PPARGC1A: variants seen among roughly 807,000 people sequenced by gnomAD.
PPARGC1A encodes PPARG coactivator 1 alpha, also known as peroxisome proliferator-activated receptor gamma coactivator 1-alpha.
Under a neutral mutation model 88.7 loss-of-function variants are expected in PPARGC1A, and 25 were observed. The ratio of observed to expected loss-of-function variants is 0.28; its 90% CI spans 0.21 to 0.39. The LOEUF (loss-of-function observed/expected upper bound fraction) is 0.39, where lower values mean the gene tolerates loss of function less well. Among genes scored for constraint, PPARGC1A ranks in the 10% least tolerant of loss-of-function variants. The probability of loss-of-function intolerance (pLI) is 1.00; values close to 1 mark genes in which losing one functional copy is unlikely to be tolerated. For synonymous variants in PPARGC1A, 363 were observed against 355.6 expected (o/e 1.02, Z -0.24); for missense variants, 880 against 968.7 (o/e 0.91, Z 1.22).
chr4:23,926,764 A>G, the PPARGC1A span, among the ~76,000 whole-genome samples: 1 of 152,202 alleles, frequency 6.6e-6, no homozygotes, highest in East Asian at 1.9e-4. Flanking sequence ...TGCCTGCTTG[A>G]GGCCATGTTA....
At chr4:24,364,854 A>G in the PPARGC1A span, among the ~76,000 whole-genome samples, 1 of 152,180 alleles carries the variant, frequency 6.6e-6, no homozygotes, top group African/African-American at 2.4e-5. Flanking sequence ...GCTCTCAATA[A>G]ATGATAGCTA....
At chr4:23,898,757 A>G (rs538679975) in intron 1 of PPARGC1A, among the ~76,000 whole-genome samples, 1 of 152,174 alleles carries the variant, frequency 6.6e-6, no homozygotes, top group Non-Finnish European at 1.5e-5. Flanking sequence ...CTTTGCACCA[A>G]GCAGGTGATC....
the PPARGC1A span, among the ~76,000 whole-genome samples, chr4:24,010,977 T>C: frequency 6.6e-6 from 1 of 152,110 alleles, no homozygotes; most frequent in South Asian, 2.1e-4. Context: ...TGGGACCATC[T>C]GTTCAACTAC....
chr4:24,245,938 C>T, the PPARGC1A span, among the ~76,000 whole-genome samples: 3,985 of 151,202 alleles, frequency 0.026, 140 homozygotes, highest in African/African-American at 0.083. Flanking sequence ...CACACACACA[C>T]ACACACACAC....
chr4:24,253,091 C>G, the PPARGC1A span, among the ~76,000 whole-genome samples: 1 of 152,008 alleles, frequency 6.6e-6, no homozygotes, highest in African/African-American at 2.4e-5. Context: ...AAAAGTCTCT[C>G]CTCTGCAAAA....
At chr4:23,930,044 G>A in the PPARGC1A span, among the ~76,000 whole-genome samples, 1 of 151,906 alleles carries the variant, frequency 6.6e-6, no homozygotes, top group African/African-American at 2.4e-5. Flanking sequence ...CCCACTCCAG[G>A]GTGCCACGTT....
At chr4:24,256,774 C>T in the PPARGC1A span, among the ~76,000 whole-genome samples, 1 of 152,122 alleles carries the variant, frequency 6.6e-6, no homozygotes, top group African/African-American at 2.4e-5. Context: ...CATGGGCACA[C>T]GTGATTCCAG....
At chr4:23,883,332 A>G (rs1159629309) in intron 2 of PPARGC1A, 1 of 152,250 alleles carries the variant, frequency 6.6e-6, no homozygotes, top group Non-Finnish European at 1.5e-5. Flanking sequence ...GTCTCGGCTC[A>G]CCAGCTAACT....
the PPARGC1A span, among the ~76,000 whole-genome samples, chr4:24,011,383 A>G: frequency 3.3e-5 from 5 of 151,886 alleles, no homozygotes; most frequent in African/African-American, 9.7e-5. Context: ...ACACATACAC[A>G]CTCACACCCA....
At chr4:24,305,148 T>TATATAG in the PPARGC1A span, among the ~76,000 whole-genome samples, 8 of 148,528 alleles carry the variant, frequency 5.4e-5, no homozygotes, top group Admixed American at 2.0e-4. Flanking sequence ...TATATATATA[T>TATATAG]ACATACACAC....
At chr4:23,972,008 C>A in the PPARGC1A span, among the ~76,000 whole-genome samples, 1 of 152,190 alleles carries the variant, frequency 6.6e-6, no homozygotes, top group Non-Finnish European at 1.5e-5. Flanking sequence ...CAGGACCATC[C>A]TCTGTACTTA....
At chr4:24,106,430 A>G in the PPARGC1A span, among the ~76,000 whole-genome samples, 2 of 152,222 alleles carry the variant, frequency 1.3e-5, no homozygotes, top group East Asian at 3.8e-4. Context: ...GGGCAGGTCG[A>G]ATGGCAACAC....
the PPARGC1A span, among the ~76,000 whole-genome samples, chr4:23,930,179 C>A: frequency 6.6e-6 from 1 of 152,200 alleles, no homozygotes; most frequent in East Asian, 1.9e-4. Context: ...TTCATTCACA[C>A]AGAAAGAATA....
the PPARGC1A span, among the ~76,000 whole-genome samples, chr4:24,153,101 G>A: frequency 6.6e-6 from 1 of 152,158 alleles, no homozygotes; most frequent in African/African-American, 2.4e-5. Context: ...AATACAGGAG[G>A]CGAAATGCAG....
chr4:24,000,717 G>T, the PPARGC1A span, among the ~76,000 whole-genome samples: 1 of 152,114 alleles, frequency 6.6e-6, no homozygotes, highest in Non-Finnish European at 1.5e-5. Flanking sequence ...GTGCATCCAC[G>T]ATTTGATGAT....
the PPARGC1A span, among the ~76,000 whole-genome samples, chr4:24,173,465 G>A: frequency 6.6e-6 from 1 of 152,170 alleles, no homozygotes; most frequent in Non-Finnish European, 1.5e-5. Flanking sequence ...GGGAGGCTGA[G>A]GTGGAAGAAT....
chr4:24,324,840 G>A, the PPARGC1A span, among the ~76,000 whole-genome samples: 85 of 152,008 alleles, frequency 5.6e-4, no homozygotes, highest in African/African-American at 1.8e-3. Flanking sequence ...AACCCCAAGC[G>A]TCGCTGAGTC....
the PPARGC1A span, among the ~76,000 whole-genome samples, chr4:24,119,083 G>A: frequency 5.3e-5 from 8 of 152,224 alleles, no homozygotes; most frequent in East Asian, 1.5e-3. Context: ...ATTTTGTTTT[G>A]CATTGCCTCA....
chr4:24,404,984 T>G, the PPARGC1A span, among the ~76,000 whole-genome samples: 6 of 152,252 alleles, frequency 3.9e-5, no homozygotes, highest in East Asian at 1.2e-3. Context: ...TTTCAAAAGG[T>G]CACTTACACT....
Sources: allele counts gnomAD v4.1 joint callset (sites outside exome capture counted in the v4.1 genomes callset), GRCh38; gene constraint gnomAD v4.1.1; transcripts MANE v1.5; gene names NCBI Gene and HGNC (gene_info 2026-07-23, HGNC 2026-07-21).